Variants in TCTN2 observed in about 807,000 individuals in gnomAD.
TCTN2 encodes the protein tectonic-2.
Under a neutral mutation model 83.4 loss-of-function variants are expected in TCTN2, and 66 were observed. The observed-to-expected ratio is 0.79, with a 90% CI of 0.65 to 0.97. The LOEUF (loss-of-function observed/expected upper bound fraction) is 0.97. Among genes scored for constraint, TCTN2 ranks in the 50% least tolerant of loss-of-function variants. The pLI is 0.00. For missense variants in TCTN2, 794 were observed against 858.1 expected (o/e 0.93, Z 0.93); for synonymous variants, 301 against 326.7 (o/e 0.92, Z 0.85).
At chr12:123,689,728 A>G (rs2135838835) in intron 7 of TCTN2, among the ~76,000 whole-genome samples, 1 of 152,236 alleles carries the variant, frequency 6.6e-6, no homozygotes, top group South Asian at 2.1e-4. Flanking sequence ...CATTTTATTT[A>G]CCATTCTAGA....
Position 123,707,592 on chromosome 12 carries a change from A to G in TCTN2, c.1985-12A>G, listed in dbSNP as rs78123598. 593 of 1,612,662 alleles carry G rather than the reference A, an allele frequency of 3.7e-4. 1 individual carries two copies. In the African/African-American group the frequency reaches 5.9e-3, roughly 16 times the overall value. ...GAAATACTGCTGTTGAATTTTGTCC[A>G]TTGTTTTTCAGGGGAGCTGCATTCT... On this transcript the variant is annotated splice_polypyrimidine_tract_variant and intron_variant, in intron 17 of 17. Transcript: ENST00000303372.
At chr12:123,683,301 G>A (rs1201727579) in intron 5 of TCTN2, among the ~76,000 whole-genome samples, 1 of 151,496 alleles carries the variant, frequency 6.6e-6, no homozygotes, top group African/African-American at 2.4e-5. Flanking sequence ...ATTATTTTGA[G>A]ACAGAGCCTT....
rs769763960 is a variant in TCTN2, at chr12:123,707,003, A to C, written c.1914A>C (p.Thr638=). The change falls in exon 17 of 18, where the codon ACA becomes ACC. Residue 638 remains threonine (T), a synonymous_variant. Transcript: ENST00000303372. The part of the protein sequence containing the change: ...HPLTRFQINY[T]EYDCNRNEVC... Reference sequence around the variant, plus strand: ...TTTCTAGATTCCAGATCAATTATACAGAGTATGACTGCAACAGAAATGAGG... The same window carrying C: ...TTTCTAGATTCCAGATCAATTATACCGAGTATGACTGCAACAGAAATGAGG... The C allele has an allele frequency of 1.9e-6, 3 of 1,613,994 alleles. No homozygotes were observed. The African/African-American group carries it at 4.0e-5, about 22-fold the overall frequency.
At chr12:123,690,420 C>T in intron 7 of TCTN2, 113 bp from the exon 8 acceptor site, 2 of 1,465,822 alleles carry the variant, frequency 1.4e-6, no homozygotes, top group Non-Finnish European at 1.9e-6. Context: ...GTTGCTGAAA[C>T]CAGACCAGCA....
chr12:123,689,501 G>C (rs1275400707), intron 7 of TCTN2, among the ~76,000 whole-genome samples: 1 of 152,070 alleles, frequency 6.6e-6, no homozygotes, highest in Non-Finnish European at 1.5e-5. Flanking sequence ...ATCATTCTTT[G>C]CTTCTTTTTC....
chr12:123,688,953 T>TC (rs1463775986), intron 7 of TCTN2, among the ~76,000 whole-genome samples: 1 of 151,886 alleles, frequency 6.6e-6, no homozygotes, highest in Non-Finnish European at 1.5e-5. Context: ...ACGGGGTTTC[T>TC]CCATGTTGGT....
rs1956238140 is a variant in TCTN2, at chr12:123,707,021, A to T, written c.1932A>T (p.Arg644Ser). 1 of 1,613,950 alleles carries T rather than the reference A, an allele frequency of 6.2e-7. No homozygotes were observed. The highest frequency in any genetic ancestry group is 8.5e-7 in the Non-Finnish European group (1 of 1,180,036). The change falls in exon 17 of 18, where the codon AGA (arginine) becomes AGT (serine). Residue 644 changes from arginine to serine, a missense_variant. By Grantham distance (110) the Arg-to-Ser change is moderately radical. Transcript: ENST00000303372. ...QINYTEYDCN[R>S]NEVCWPQLLY... ...ATTATACAGAGTATGACTGCAACAG[A>T]AATGAGGTGTGTTGGCCGCAGCTTC...
rs368451729 is a variant in TCTN2, at chr12:123,699,726, G to C, written c.1528G>C (p.Asp510His). 6 of 1,613,466 alleles carry C rather than the reference G, an allele frequency of 3.7e-6. No individual in the cohort carries two copies. In the African/African-American group the frequency reaches 5.3e-5, roughly 14 times the overall value. ...QLRENAVERL[D>H]SLIQATHVAM... ...CAGGGAGAATGCTGTTGAAAGACTTGATTCATTAATACAAGCGACTCACGT... is the reference window on the plus strand; with the variant it reads ...CAGGGAGAATGCTGTTGAAAGACTTCATTCATTAATACAAGCGACTCACGT... The change falls in exon 14 of 18, where the codon GAT becomes CAT. Residue 510 changes from aspartate (D) to histidine (H), a missense_variant. Asp to His is a moderately conservative substitution (Grantham distance 81). Transcript: ENST00000303372.
At chr12:123,688,409 G>A (rs1339114569) in intron 7 of TCTN2, among the ~76,000 whole-genome samples, 1 of 151,916 alleles carries the variant, frequency 6.6e-6, no homozygotes, top group Non-Finnish European at 1.5e-5. Context: ...TACAGACGGG[G>A]TTTCACCATG....
chr12:123,682,966 A>G (rs1006143216), intron 5 of TCTN2, among the ~76,000 whole-genome samples: 4 of 151,930 alleles, frequency 2.6e-5, no homozygotes, highest in African/African-American at 4.8e-5. Context: ...GCTCACGCCT[A>G]TAATCCCAGA....
intron 14 of TCTN2, chr12:123,700,011 T>C (rs1485075718): frequency 3.1e-6 from 2 of 636,986 alleles, no homozygotes; most frequent in East Asian, 2.8e-5. Context: ...CTTTTTTGAT[T>C]TTCTGTTTTT....
intron 5 of TCTN2, among the ~76,000 whole-genome samples, chr12:123,681,985 T>G (rs1955905327): frequency 6.6e-6 from 1 of 152,180 alleles, no homozygotes; most frequent in Non-Finnish European, 1.5e-5. Flanking sequence ...TTCTTTAAAT[T>G]TTTGAGACAG....
rs780792228 is a variant in TCTN2 at position 123,672,041 on chromosome 12, G to A, written c.191-15G>A. 2.4e-5 allele frequency: 39 copies of A among 1,613,032 alleles called. No homozygotes were observed. Among genetic ancestry groups the A allele is most frequent in the Non-Finnish European group, 3.2e-5 (38 of 1,179,182 alleles). On this transcript the variant is annotated splice_polypyrimidine_tract_variant and intron_variant, in intron 2 of 17. Transcript: ENST00000303372. ...TGGACCTTGCTGCCTTTGCATGCTG[G>A]TCTTCTTTCTTTAGGAATATTGCCA...
At chr12:123,695,512 C>T in intron 11 of TCTN2, 1 of 434,214 alleles carries the variant, frequency 2.3e-6, no homozygotes, top group South Asian at 2.5e-5. Flanking sequence ...ACCTGCACCT[C>T]CTGGGTTCAA....
chr12:123,691,757 AG>A (rs1956044990), intron 8 of TCTN2, among the ~76,000 whole-genome samples: 3 of 138,444 alleles, frequency 2.2e-5, no homozygotes, highest in Non-Finnish European at 4.6e-5. Context: ...TTTGAGAGGG[AG>A]TCTTGCTCTG....
intron 9 of TCTN2, among the ~76,000 whole-genome samples, chr12:123,693,357 T>C (rs1261827123): frequency 1.3e-5 from 2 of 149,098 alleles, no homozygotes; most frequent in Non-Finnish European, 3.0e-5. Flanking sequence ...CACAGCATTT[T>C]CACTTTTTGC....
intron 15 of TCTN2, among the ~76,000 whole-genome samples, chr12:123,705,653 TCTC>T (rs1956219863): frequency 6.6e-6 from 1 of 152,122 alleles, no homozygotes; most frequent in Non-Finnish European, 1.5e-5. Context: ...TCAGGGAGGT[TCTC>T]CTCAAGAGAT....
Position 123,671,246 on chromosome 12 carries a change from C to T in TCTN2, c.6C>T (p.Gly2=), listed in dbSNP as rs1383365858. The T allele has an allele frequency of 4.3e-6, 7 of 1,612,844 alleles. No individual in the cohort carries two copies. The South Asian group carries it at 5.5e-5, about 13-fold the overall frequency. Reference sequence around the variant, plus strand: ...CGGCCCGCGAGGTCTAAGGCATGGGCTTCCAGCCTCCGGCCGCTCTTCTTT... The same window carrying T: ...CGGCCCGCGAGGTCTAAGGCATGGGTTTCCAGCCTCCGGCCGCTCTTCTTT... The part of the protein sequence containing the change: M[G]FQPPAALLLR... Residue 2 remains glycine (G), a synonymous_variant, in exon 1 of 18, where the codon GGC becomes GGT. Transcript: ENST00000303372.
chr12:123,674,454 G>C (rs1161762018), intron 4 of TCTN2, among the ~76,000 whole-genome samples: 1 of 152,312 alleles, frequency 6.6e-6, no homozygotes, highest in East Asian at 1.9e-4. Flanking sequence ...ACTTTTAGTA[G>C]AGATGGGGTT....
Sources: allele counts gnomAD v4.1 joint callset (sites outside exome capture counted in the v4.1 genomes callset), GRCh38; gene constraint gnomAD v4.1.1; transcripts MANE v1.5; gene names NCBI Gene and HGNC (gene_info 2026-07-23, HGNC 2026-07-21).